PCDH11X: variants seen among roughly 807,000 people sequenced by gnomAD.
PCDH11X encodes protocadherin-11 X-linked.
A neutral mutation model predicts 53.3 loss-of-function variants in PCDH11X; 18 were observed. The ratio of observed to expected loss-of-function variants is 0.34; its 90% CI spans 0.23 to 0.50. The LOEUF (loss-of-function observed/expected upper bound fraction) is 0.50, where lower values mean the gene tolerates loss of function less well. Among genes scored for constraint, PCDH11X ranks in the 20% least tolerant of loss-of-function variants. The pLI is 0.98. For missense variants in PCDH11X, 570 were observed against 1,032.4 expected (o/e 0.55, Z 6.14); for synonymous variants, 279 against 393.3 (o/e 0.71, Z 3.44).
At chrX:92,245,485 C>T (rs2067332367) in intron 7 of PCDH11X, among the ~76,000 whole-genome samples, 3 of 112,657 alleles carry the variant, frequency 2.7e-5, no homozygotes, top group Non-Finnish European at 1.9e-5. Flanking sequence ...ACTATTTTGA[C>T]ATCACTATAC....
In PCDH11X at chrX:91,852,345, C is replaced by T. The variant is rs183745675; in HGVS notation, c.540+16301C>T. ...TTAGGTATTATTTGTTAATGACTTA[C>T]GGGTTTTTAATTAGCCACAAGATAC... On this transcript the variant is annotated intron_variant, in intron 5 of 10. Coordinates refer to ENST00000682573, the MANE Select transcript of PCDH11X (RefSeq NM_032968.5). Among the ~76,000 whole-genome samples the T allele has an allele frequency of 5.5e-3, 600 of 108,649 alleles. 4 individuals are homozygous for T. The highest frequency in any genetic ancestry group is 8.3e-3 in the African/African-American group (248 of 29,877). The allele number at this position is 108,649 out of a possible 115,157, so 94.3% of individuals were successfully genotyped here.
At chrX:91,838,702 G>T (rs183586623) in intron 5 of PCDH11X, among the ~76,000 whole-genome samples, 1,292 of 108,782 alleles carry the variant, frequency 0.012, 20 homozygotes, top group African/African-American at 0.039. Context: ...CCTTTGTCCT[G>T]CAGAATAGGA....
At chrX:92,353,590 C>T (rs191316024) in intron 8 of PCDH11X, among the ~76,000 whole-genome samples, 3 of 110,551 alleles carry the variant, frequency 2.7e-5, no homozygotes, top group African/African-American at 6.6e-5. Context: ...AGAGTAGGTT[C>T]GACTAATGCA....
In PCDH11X at chrX:91,916,136, T is replaced by C. The variant is rs1357909401; in HGVS notation, c.3033+36863T>C. Among the ~76,000 whole-genome samples the C allele has an allele frequency of 3.6e-5, 4 of 111,137 alleles. No individual in the cohort carries two copies. The Admixed American group carries it at 3.8e-4, about 11-fold the overall frequency. On this transcript the variant is annotated intron_variant, in intron 6 of 10. Transcript: ENST00000682573. ...AAAAATTCTTTGAGCTGAATGATAA[T>C]AGTAACAAAACTTAACAAAACCTCT...
chrX:91,844,962 G>C (rs1290075090), intron 5 of PCDH11X, among the ~76,000 whole-genome samples: 1 of 110,705 alleles, frequency 9.0e-6, no homozygotes. Context: ...CTGCCTCTAC[G>C]GTCTGGATGC....
intron 4 of PCDH11X, among the ~76,000 whole-genome samples, chrX:91,832,678 AT>A (rs1377060641): frequency 1.8e-5 from 2 of 109,840 alleles, no homozygotes; most frequent in Non-Finnish European, 3.8e-5. Context: ...AGTAGAACAG[AT>A]TTAGAATGGA....
At chrX:92,020,189 C>T (rs979229510) in intron 6 of PCDH11X, among the ~76,000 whole-genome samples, 3 of 112,594 alleles carry the variant, frequency 2.7e-5, no homozygotes, top group African/African-American at 6.4e-5. Context: ...CCCGTGGGAG[C>T]GCAGCCAGCA....
chrX:92,527,999 T>C (rs1358317035), intron 10 of PCDH11X, among the ~76,000 whole-genome samples: 2 of 112,126 alleles, frequency 1.8e-5, no homozygotes, highest in African/African-American at 6.5e-5. Context: ...AGGGGCATTC[T>C]ACATTTCAGG....
intron 10 of PCDH11X, among the ~76,000 whole-genome samples, chrX:92,568,741 A>G (rs1921826570): frequency 1.2e-5 from 1 of 86,538 alleles, no homozygotes; most frequent in Non-Finnish European, 2.3e-5. Context: ...AAGTATCACA[A>G]TTATGCAAAA....
intron 8 of PCDH11X, among the ~76,000 whole-genome samples, chrX:92,296,530 A>G (rs1170348525): frequency 9.0e-6 from 1 of 111,198 alleles, no homozygotes; most frequent in Non-Finnish European, 1.9e-5. Flanking sequence ...TAGCTTGCTT[A>G]GGACAATGGC....
At chrX:92,535,616 C>T (rs1217117015) in intron 10 of PCDH11X, among the ~76,000 whole-genome samples, 1 of 110,937 alleles carries the variant, frequency 9.0e-6, no homozygotes, top group African/African-American at 3.3e-5. Context: ...TAAAACAAAC[C>T]CCTATGACAC....
chrX:92,532,651 C>T (rs1414433508), intron 10 of PCDH11X, among the ~76,000 whole-genome samples: 1 of 59,032 alleles, frequency 1.7e-5, no homozygotes, highest in Non-Finnish European at 3.3e-5. Context: ...AGTTCTCCTC[C>T]TTCATTTAAA....
chrX:92,179,000 C>T (rs192467544), intron 6 of PCDH11X, among the ~76,000 whole-genome samples: 1 of 111,802 alleles, frequency 8.9e-6, no homozygotes, highest in East Asian at 2.8e-4. Context: ...ATCAGCTTTT[C>T]CCAGCATGCA....
intron 6 of PCDH11X, among the ~76,000 whole-genome samples, chrX:92,112,774 A>C (rs889166463): frequency 9.2e-5 from 10 of 108,642 alleles, no homozygotes; most frequent in African/African-American, 3.5e-4. Context: ...CCTGAGTCCT[A>C]ATTATAATTA....
chrX:92,074,914 G>A (rs150898822), intron 6 of PCDH11X, among the ~76,000 whole-genome samples: 482 of 110,150 alleles, frequency 4.4e-3, no homozygotes, highest in African/African-American at 0.016. Context: ...ATCTATCGTG[G>A]GGTTAAGTGC....
At chrX:92,030,315 G>A (rs1008549074) in intron 6 of PCDH11X, among the ~76,000 whole-genome samples, 4 of 110,206 alleles carry the variant, frequency 3.6e-5, no homozygotes, top group African/African-American at 1.3e-4. Context: ...AATATTTTCT[G>A]GTTGGGCAAA....
intron 10 of PCDH11X, among the ~76,000 whole-genome samples, chrX:92,502,909 A>G (rs2073985068): frequency 9.1e-6 from 1 of 110,350 alleles, no homozygotes; most frequent in South Asian, 3.8e-4. Flanking sequence ...AAACAAACAA[A>G]CAAACAAAAA....
intron 8 of PCDH11X, among the ~76,000 whole-genome samples, chrX:92,288,295 A>ATACTACC (rs1192244396): frequency 2.7e-5 from 3 of 110,688 alleles, no homozygotes; most frequent in Non-Finnish European, 5.7e-5. Flanking sequence ...GTAGGTTCTT[A>ATACTACC]TACTACCTTT....
At chrX:92,312,788 G>A (rs1423229040) in intron 8 of PCDH11X, among the ~76,000 whole-genome samples, 4 of 110,819 alleles carry the variant, frequency 3.6e-5, no homozygotes, top group East Asian at 5.7e-4. Context: ...TTTTATTTTC[G>A]ATCATTTTCC....
Sources: allele counts gnomAD v4.1 joint callset (sites outside exome capture counted in the v4.1 genomes callset), GRCh38; gene constraint gnomAD v4.1.1; transcripts MANE v1.5; gene names NCBI Gene and HGNC (gene_info 2026-07-23, HGNC 2026-07-21).